HPSE2: variants seen among roughly 807,000 people sequenced by gnomAD.
The protein encoded by HPSE2 is inactive heparanase-2.
Under a neutral mutation model 60.5 loss-of-function variants are expected in HPSE2, and 38 were observed. That is an observed-to-expected ratio of 0.63 (90% confidence interval 0.48 to 0.82). The LOEUF (loss-of-function observed/expected upper bound fraction) is 0.82, where lower values mean the gene tolerates loss of function less well. Among genes scored for constraint, HPSE2 ranks in the 40% least tolerant of loss-of-function variants. The probability of loss-of-function intolerance (pLI) is 0.00; values close to 1 mark genes in which losing one functional copy is unlikely to be tolerated. For synonymous variants in HPSE2, 295 were observed against 293.2 expected (o/e 1.01, Z -0.06); for missense variants, 713 against 740.4 (o/e 0.96, Z 0.43).
At chr10:98,817,551 C>T (rs2134597066) in intron 3 of HPSE2, among the ~76,000 whole-genome samples, 1 of 152,284 alleles carries the variant, frequency 6.6e-6, no homozygotes, top group African/African-American at 2.4e-5. Flanking sequence ...TTGAAACTCA[C>T]AGAGGCTAAT....
chr10:98,724,097 C>G, intron 4 of HPSE2, among the ~76,000 whole-genome samples: 1 of 151,950 alleles, frequency 6.6e-6, no homozygotes, highest in African/African-American at 2.4e-5. Flanking sequence ...CTCTTGTGGG[C>G]ATTTAGTGCT....
chr10:98,877,739 AT>A (rs1354774968), intron 3 of HPSE2, among the ~76,000 whole-genome samples: 1 of 151,862 alleles, frequency 6.6e-6, no homozygotes. Context: ...TAACATACCA[AT>A]TTTTTGTAGG....
At chr10:98,572,874 G>A (rs1211529992) in intron 9 of HPSE2, among the ~76,000 whole-genome samples, 2 of 152,204 alleles carry the variant, frequency 1.3e-5, no homozygotes, top group Non-Finnish European at 2.9e-5. Flanking sequence ...TTCTAAGAGA[G>A]TATTTCTACT....
At chr10:99,214,783 G>A (rs1206356309) in intron 2 of HPSE2, among the ~76,000 whole-genome samples, 2 of 151,752 alleles carry the variant, frequency 1.3e-5, no homozygotes, top group Non-Finnish European at 2.9e-5. Context: ...TGAAGGATAT[G>A]AACAGACACT....
chr10:99,140,560 C>G (rs1177782474), intron 3 of HPSE2, among the ~76,000 whole-genome samples: 1 of 152,132 alleles, frequency 6.6e-6, no homozygotes, highest in Non-Finnish European at 1.5e-5. Context: ...ATGTTCTAAA[C>G]AAAATCCTAG....
chr10:98,997,112 CT>C (rs34434956), intron 3 of HPSE2, among the ~76,000 whole-genome samples: 26,856 of 118,614 alleles, frequency 0.23, 1,313 homozygotes, highest in Middle Eastern at 0.34. Context: ...CAGACCCTTT[CT>C]TTTTTTTTTT....
At chr10:99,117,900 A>G (rs563373690) in intron 3 of HPSE2, among the ~76,000 whole-genome samples, 18 of 152,322 alleles carry the variant, frequency 1.2e-4, no homozygotes, top group African/African-American at 4.1e-4. Flanking sequence ...AAAACATAGC[A>G]GAGACACAAT....
At chr10:98,618,037 C>T (rs1362899818) in intron 8 of HPSE2, among the ~76,000 whole-genome samples, 1 of 152,098 alleles carries the variant, frequency 6.6e-6, no homozygotes, top group Admixed American at 6.6e-5. Context: ...CTTTACTGCT[C>T]CCCTACTCCC....
chr10:99,018,455 G>C (rs545314173), intron 3 of HPSE2, among the ~76,000 whole-genome samples: 1 of 152,296 alleles, frequency 6.6e-6, no homozygotes, highest in South Asian at 2.1e-4. Context: ...CCTTAGAGCT[G>C]TTGGACAACC....
intron 8 of HPSE2, among the ~76,000 whole-genome samples, chr10:98,616,694 C>A (rs755617343): frequency 6.6e-6 from 1 of 151,786 alleles, no homozygotes; most frequent in African/African-American, 2.4e-5. Context: ...CAAAGCAAAA[C>A]ACAAAAGTTT....
intron 3 of HPSE2, among the ~76,000 whole-genome samples, chr10:99,094,222 G>A (rs1041404787): frequency 3.3e-5 from 5 of 151,628 alleles, no homozygotes; most frequent in African/African-American, 4.8e-5. Context: ...AGGGTTTGTC[G>A]TCGTTCACGT....
At chr10:99,025,135 A>G (rs995617749) in intron 3 of HPSE2, among the ~76,000 whole-genome samples, 29 of 152,204 alleles carry the variant, frequency 1.9e-4, no homozygotes, top group Non-Finnish European at 2.8e-4. Context: ...ATAGTACAAT[A>G]AGACATAAAT....
At chr10:99,227,104 T>C (rs184673990) in intron 2 of HPSE2, among the ~76,000 whole-genome samples, 108 of 152,178 alleles carry the variant, frequency 7.1e-4, no homozygotes, top group Admixed American at 9.8e-4. Context: ...CCATAAGTCT[T>C]GATTGATAGA....
chr10:98,589,241 C>T (rs893293083), intron 9 of HPSE2, among the ~76,000 whole-genome samples: 4 of 152,190 alleles, frequency 2.6e-5, no homozygotes, highest in South Asian at 2.1e-4. Flanking sequence ...TCATAACATC[C>T]GAGGGCTCAT....
intron 3 of HPSE2, among the ~76,000 whole-genome samples, chr10:99,080,081 C>T (rs1843082501): frequency 6.6e-6 from 1 of 152,092 alleles, no homozygotes; most frequent in African/African-American, 2.4e-5. Flanking sequence ...ATATAAAAGC[C>T]TCTCAATTAG....
At chr10:99,205,878 T>C (rs1160478920) in intron 2 of HPSE2, among the ~76,000 whole-genome samples, 2 of 152,196 alleles carry the variant, frequency 1.3e-5, no homozygotes, top group East Asian at 3.8e-4. Context: ...GCAATTTGTC[T>C]CTCCAATAAA....
At chr10:98,565,909 G>A (rs1244495584) in intron 9 of HPSE2, among the ~76,000 whole-genome samples, 1 of 149,628 alleles carries the variant, frequency 6.7e-6, no homozygotes, top group African/African-American at 2.4e-5. Flanking sequence ...CCAAGAGGTA[G>A]AGAGAGAGAG....
At chr10:99,223,490 C>G (rs939202883) in intron 2 of HPSE2, among the ~76,000 whole-genome samples, 1 of 152,116 alleles carries the variant, frequency 6.6e-6, no homozygotes, top group African/African-American at 2.4e-5. Context: ...GGTTTAACCC[C>G]TAATTCCTTC....
intron 3 of HPSE2, among the ~76,000 whole-genome samples, chr10:98,846,194 C>T (rs1455188590): frequency 6.6e-6 from 1 of 151,960 alleles, no homozygotes; most frequent in East Asian, 1.9e-4. Flanking sequence ...AAGCCTATAC[C>T]AGCTTTTGAG....
Sources: gnomAD v4.1 joint callset for allele counts (sites outside exome capture counted in the v4.1 genomes callset) on GRCh38, gnomAD v4.1.1 for gene constraint, MANE v1.5 for transcripts, NCBI Gene and HGNC (gene_info 2026-07-23, HGNC 2026-07-21) for gene names.